The following SASH1 variants were observed in gnomAD, a reference collection of about 807,000 sequenced individuals.
SASH1 encodes SAM and SH3 domain containing 1, also known as SAM and SH3 domain-containing protein 1.
Under a neutral mutation model 125.2 loss-of-function variants are expected in SASH1, and 44 were observed. The ratio of observed to expected loss-of-function variants is 0.35; its 90% confidence interval spans 0.28 to 0.45. The LOEUF (loss-of-function observed/expected upper bound fraction) is 0.45, where lower values mean the gene tolerates loss of function less well. SASH1 is among the 20% of genes least tolerant of loss of function. The probability of loss-of-function intolerance (pLI) is 1.00; values close to 1 mark genes in which losing one functional copy is unlikely to be tolerated. For synonymous variants in SASH1, 639 were observed against 649.1 expected (o/e 0.98, Z 0.24); for missense variants, 1,426 against 1,614.5 (o/e 0.88, Z 2.00).
the SASH1 span, among the ~76,000 whole-genome samples, chr6:148,263,735 G>T: frequency 2.6e-5 from 4 of 152,138 alleles, no homozygotes; most frequent in Admixed American, 6.6e-5. Context: ...AGGGAAAAGA[G>T]AGTTGGACTT....
At chr6:148,521,690 TCTCA>T (rs1264994014) in intron 10 of SASH1, among the ~76,000 whole-genome samples, 2 of 152,258 alleles carry the variant, frequency 1.3e-5, no homozygotes, top group Non-Finnish European at 1.5e-5. Context: ...CAATTCTCTT[TCTCA>T]CTCATTCAGC....
intron 2 of SASH1, among the ~76,000 whole-genome samples, chr6:148,411,968 G>T (rs1241087366): frequency 1.3e-5 from 2 of 152,218 alleles, no homozygotes; most frequent in Admixed American, 6.5e-5. Context: ...ACTCTTGATA[G>T]ATTTTTCATC....
chr6:148,424,265 G>T, intron 2 of SASH1, among the ~76,000 whole-genome samples: 1 of 151,574 alleles, frequency 6.6e-6, no homozygotes, highest in South Asian at 2.1e-4. Flanking sequence ...GGTGGGACAG[G>T]GTCTCGCTCT....
chr6:148,416,154 C>A (rs1481586633), intron 2 of SASH1, among the ~76,000 whole-genome samples: 1 of 152,222 alleles, frequency 6.6e-6, no homozygotes, highest in Non-Finnish European at 1.5e-5. Flanking sequence ...GACACACTCA[C>A]CTATATGGAC....
At chr6:148,310,586 G>T (rs535305546) in intron 1 of SASH1, among the ~76,000 whole-genome samples, 5 of 152,186 alleles carry the variant, frequency 3.3e-5, no homozygotes, top group Non-Finnish European at 7.4e-5. Context: ...GCTATAAAAT[G>T]AGAAGGCAAC....
chr6:148,345,108 A>G (rs1186628258), intron 1 of SASH1, among the ~76,000 whole-genome samples: 2 of 152,194 alleles, frequency 1.3e-5, no homozygotes, highest in African/African-American at 4.8e-5. Flanking sequence ...CTAAGTTTTC[A>G]GTCACTGAGG....
intron 6 of SASH1, among the ~76,000 whole-genome samples, chr6:148,472,535 A>T (rs1247095326): frequency 6.6e-6 from 1 of 152,038 alleles, no homozygotes; most frequent in Non-Finnish European, 1.5e-5. Flanking sequence ...TTACCAGCTA[A>T]TGTGGATTTT....
chr6:148,237,613 G>A, the SASH1 span: 2 of 152,050 alleles, frequency 1.3e-5, no homozygotes. Flanking sequence ...ATTCATCAGG[G>A]AGCTAGAGAA....
intron 1 of SASH1, among the ~76,000 whole-genome samples, chr6:148,304,446 GAAAAGA>G (rs1780066140): frequency 2.2e-5 from 2 of 89,732 alleles, no homozygotes; most frequent in Non-Finnish European, 2.2e-5. Context: ...AAAAAAAAAA[GAAAAGA>G]AAAAAAAAAT....
chr6:148,388,330 G>T (rs1783566078), intron 1 of SASH1, among the ~76,000 whole-genome samples: 1 of 152,168 alleles, frequency 6.6e-6, no homozygotes, highest in Non-Finnish European at 1.5e-5. Flanking sequence ...CTTGACCTTT[G>T]TTATTTTTCT....
At chr6:148,505,039 T>C (rs1311087282) in intron 8 of SASH1, among the ~76,000 whole-genome samples, 1 of 152,194 alleles carries the variant, frequency 6.6e-6, no homozygotes, top group Non-Finnish European at 1.5e-5. Context: ...CATGTGTATT[T>C]CACATGGAAC....
the SASH1 span, among the ~76,000 whole-genome samples, chr6:148,264,128 C>T: frequency 2.9e-5 from 4 of 138,436 alleles, no homozygotes; most frequent in East Asian, 2.1e-4. Flanking sequence ...TGAAGGTATG[C>T]GTTTCAATGA....
intron 2 of SASH1, among the ~76,000 whole-genome samples, chr6:148,402,955 G>C (rs560240192): frequency 5.0e-4 from 76 of 152,052 alleles, no homozygotes; most frequent in African/African-American, 1.8e-3. Flanking sequence ...ATAGTTCCTG[G>C]GTACATGCTA....
chr6:148,410,039 G>T (rs1423392982), intron 2 of SASH1, among the ~76,000 whole-genome samples: 5 of 150,806 alleles, frequency 3.3e-5, no homozygotes, highest in African/African-American at 7.3e-5. Flanking sequence ...AAAATAGAAG[G>T]TGTGAGGGTA....
Position 148,474,102 on chromosome 6 carries a change from A to C in SASH1, c.515-8A>C, listed in dbSNP as rs56038320. ...TCACTCCTGTTGTTCTTTGTCCTCA[A>C]TCTCCAGGAGAAGACGTTGGTTATG... On this transcript the variant is annotated splice_region_variant and splice_polypyrimidine_tract_variant and intron_variant, in intron 6 of 19. Coordinates refer to ENST00000367467, the MANE Select transcript of SASH1 (RefSeq NM_015278.5). 6.3e-7 allele frequency: 1 copy of C among 1,589,946 alleles called. No individual in the cohort carries two copies. Among genetic ancestry groups the C allele is most frequent in the African/African-American group, 1.3e-5 (1 of 74,572 alleles).
chr6:148,542,877 T>C (rs80341759), intron 17 of SASH1, among the ~76,000 whole-genome samples: 16,947 of 143,204 alleles, frequency 0.12, 1,010 homozygotes, highest in Non-Finnish European at 0.14. Context: ...TGTGTGTGTG[T>C]GTGCGCGCGC....
At chr6:148,364,324 T>C (rs1369678928) in intron 1 of SASH1, among the ~76,000 whole-genome samples, 1 of 152,120 alleles carries the variant, frequency 6.6e-6, no homozygotes, top group Non-Finnish European at 1.5e-5. Context: ...TCCCCTGAAG[T>C]CTTGAGAGAT....
intron 1 of SASH1, among the ~76,000 whole-genome samples, chr6:148,298,666 G>GAA (rs1260394314): frequency 2.1e-3 from 193 of 93,136 alleles, no homozygotes; most frequent in Non-Finnish European, 3.1e-3. Context: ...AGGGAGGGAG[G>GAA]GAGGAAGGAA....
intron 2 of SASH1, among the ~76,000 whole-genome samples, chr6:148,392,051 G>A (rs952317879): frequency 1.3e-5 from 2 of 152,176 alleles, no homozygotes; most frequent in Non-Finnish European, 2.9e-5. Context: ...TTGGGAGACC[G>A]AGGCTGGCAG....
Sources: allele counts gnomAD v4.1 joint callset (sites outside exome capture counted in the v4.1 genomes callset), GRCh38; gene constraint gnomAD v4.1.1; transcripts MANE v1.5; gene names NCBI Gene and HGNC (gene_info 2026-07-23, HGNC 2026-07-21).